Variants in WDPCP observed in about 807,000 individuals in gnomAD.
WDPCP encodes the protein WD repeat containing planar cell polarity effector, also known as WD repeat-containing and planar cell polarity effector protein fritz homolog.
WDPCP carries 71 observed loss-of-function variants against 93.1 expected under a neutral mutation model. The observed-to-expected ratio is 0.76, with a 90% confidence interval of 0.63 to 0.93. WDPCP has a LOEUF of 0.93. Ranked by LOEUF, WDPCP falls within the 40% of genes least tolerant of loss-of-function variation. The probability of loss-of-function intolerance (pLI) is 0.00; values close to 1 mark genes in which losing one functional copy is unlikely to be tolerated. For missense variants in WDPCP, 844 were observed against 887.4 expected, an observed-to-expected ratio of 0.95 and a Z score of 0.62; for synonymous variants, 315 against 315.0, an observed-to-expected ratio of 1.00 and a Z score of 0.00.
chr2:63,606,717 A>G, intron 3 of WDPCP: 1 of 424,626 alleles, frequency 2.4e-6, no homozygotes, highest in Non-Finnish European at 3.9e-6. Flanking sequence ...TATTAGAATT[A>G]TCTATTAATT....
At chr2:63,460,086 T>C (rs750813181) in intron 6 of WDPCP, among the ~76,000 whole-genome samples, 2 of 152,150 alleles carry the variant, frequency 1.3e-5, no homozygotes, top group African/African-American at 2.4e-5. Context: ...TCAATCTAAA[T>C]GCCCATCAAC....
At chr2:63,437,799 C>T (rs2105504345) in intron 7 of WDPCP, 1 of 1,507,174 alleles carries the variant, frequency 6.6e-7, no homozygotes, top group East Asian at 2.3e-5. Flanking sequence ...TTGGGGACCA[C>T]CAATGGATGA....
chr2:63,602,303 T>C (rs1709433814), intron 3 of WDPCP, among the ~76,000 whole-genome samples: 1 of 151,376 alleles, frequency 6.6e-6, no homozygotes, highest in Non-Finnish European at 1.5e-5. Flanking sequence ...TTTTAGGTAA[T>C]GGCCTTTTTT....
chr2:63,409,197 G>A (rs1291333935), intron 9 of WDPCP, among the ~76,000 whole-genome samples: 2 of 152,184 alleles, frequency 1.3e-5, no homozygotes, highest in Non-Finnish European at 2.9e-5. Flanking sequence ...ACGGCTGAGA[G>A]ACCCACAGAT....
chr2:63,546,723 A>G (rs1705178054), intron 1 of WDPCP, among the ~76,000 whole-genome samples: 1 of 152,164 alleles, frequency 6.6e-6, no homozygotes, highest in Non-Finnish European at 1.5e-5. Flanking sequence ...GCCTTATTTA[A>G]TTTTTCAAAT....
chr2:63,606,004 C>G (rs748037880), intron 3 of WDPCP: 1 of 1,614,010 alleles, frequency 6.2e-7, no homozygotes, highest in East Asian at 2.2e-5. Context: ...ATGATCTGCT[C>G]TACTCATTCC....
intron 2 of WDPCP, among the ~76,000 whole-genome samples, chr2:63,800,948 G>A (rs1485074361): frequency 1.3e-5 from 2 of 152,164 alleles, no homozygotes; most frequent in African/African-American, 4.8e-5. Context: ...CAGCTACTCC[G>A]GAGGCTGAGG....
chr2:63,665,538 A>T (rs181387944), intron 2 of WDPCP, among the ~76,000 whole-genome samples: 1 of 152,352 alleles, frequency 6.6e-6, no homozygotes, highest in East Asian at 1.9e-4. Flanking sequence ...CCTGCTTCCA[A>T]ATAAGATCAC....
At chr2:63,523,233 A>G (rs1703072010) in intron 1 of WDPCP, among the ~76,000 whole-genome samples, 1 of 152,212 alleles carries the variant, frequency 6.6e-6, no homozygotes, top group African/African-American at 2.4e-5. Context: ...AAATGCAGAA[A>G]AGGCTTTCCA....
intron 15 of WDPCP, among the ~76,000 whole-genome samples, chr2:63,173,893 G>C (rs1673590539): frequency 6.6e-6 from 1 of 152,098 alleles, no homozygotes; most frequent in Non-Finnish European, 1.5e-5. Flanking sequence ...TACAATTACT[G>C]AAAATAGGAT....
chr2:63,592,728 A>G (rs1709224172), upstream of WDPCP, among the ~76,000 whole-genome samples: 1 of 152,364 alleles, frequency 6.6e-6, no homozygotes, highest in South Asian at 2.1e-4. Flanking sequence ...GTTCTTATAC[A>G]TTTCCATCTT....
chr2:63,444,120 A>G (rs886875816), intron 6 of WDPCP, among the ~76,000 whole-genome samples: 2 of 152,100 alleles, frequency 1.3e-5, no homozygotes, highest in Admixed American at 6.6e-5. Context: ...AAATGAGTGG[A>G]AAGACAGAAA....
intron 2 of WDPCP, among the ~76,000 whole-genome samples, chr2:63,756,191 G>A (rs1669965965): frequency 6.6e-6 from 1 of 152,206 alleles, no homozygotes; most frequent in South Asian, 2.1e-4. Context: ...TAACAACTCA[G>A]AACTAGTCTT....
chr2:63,460,776 G>A (rs1003130121), intron 6 of WDPCP, among the ~76,000 whole-genome samples: 1 of 151,948 alleles, frequency 6.6e-6, no homozygotes, highest in Non-Finnish European at 1.5e-5. Context: ...ACAGGTGCCT[G>A]CCACCACACC....
intron 17 of WDPCP, among the ~76,000 whole-genome samples, chr2:63,147,596 A>G (rs547861772): frequency 6.6e-6 from 1 of 152,356 alleles, no homozygotes; most frequent in African/African-American, 2.4e-5. Context: ...TTTTAAAAAC[A>G]TTCACGATAG....
Position 63,779,965 on chromosome 2 carries a change from G to A in WDPCP, n.308+33657C>T, listed in dbSNP as rs576483722. On this transcript the variant is annotated intron_variant and non_coding_transcript_variant, in intron 2 of 4. Coordinates refer to the WDPCP transcript ENST00000467687. The stretch of plus-strand genomic sequence containing the variant: ...GAGTCAAGATGCCATCCTCATCTTT[G>A]ACATATTTCTTAATAATTTATCAAA... Among the ~76,000 whole-genome samples, 43 of 152,180 alleles carry A rather than the reference G, an allele frequency of 2.8e-4. No homozygotes were observed. In the South Asian group the frequency reaches 8.9e-3, roughly 32 times the overall value.
rs1319106250 is a variant in WDPCP at position 63,555,809 on chromosome 2, A to G, written c.75+32388T>C. Among the ~76,000 whole-genome samples the G allele has an allele frequency of 3.3e-5, 5 of 152,282 alleles. 1 individual carries two copies. Among genetic ancestry groups the G allele is most frequent in the African/African-American group, 9.6e-5 (4 of 41,554 alleles). On this transcript the variant is annotated intron_variant, in intron 1 of 17. Transcript: ENST00000272321. Reference sequence around the variant, plus strand: ...CAAACAGAAAGGAACAACAACAACAACAGCATCAACAAAAAAAGTCCCCAA... The same window carrying G: ...CAAACAGAAAGGAACAACAACAACAGCAGCATCAACAAAAAAAGTCCCCAA...
chr2:63,664,537 T>C (rs1710262974), intron 2 of WDPCP, among the ~76,000 whole-genome samples: 2 of 152,088 alleles, frequency 1.3e-5, no homozygotes, highest in African/African-American at 4.8e-5. Context: ...CAGTCTATGG[T>C]GGGTACAACT....
rs143443761 is a variant in WDPCP at position 63,384,540 on chromosome 2, C to T, written c.1436-2446G>A. On this transcript the variant is annotated intron_variant, in intron 10 of 17. Transcript: ENST00000272321. ...ACCAATGCACACACATAATTAAACA[C>T]GACCTGCATGTTAAGATGTCTTCAC... is the stretch of plus-strand genomic sequence containing the variant. Among the ~76,000 whole-genome samples, 18 of 152,032 alleles carry T rather than the reference C, an allele frequency of 1.2e-4. No individual in the cohort carries two copies. The East Asian group carries it at 2.5e-3, about 21-fold the overall frequency.
Sources: allele counts gnomAD v4.1 joint callset (sites outside exome capture counted in the v4.1 genomes callset), GRCh38; gene constraint gnomAD v4.1.1; transcripts MANE v1.5; gene names NCBI Gene and HGNC (gene_info 2026-07-23, HGNC 2026-07-21).